The following PTPRT variants were observed in gnomAD, a reference collection of about 807,000 sequenced individuals.
PTPRT encodes protein tyrosine phosphatase receptor type T.
A neutral mutation model predicts 176.8 loss-of-function variants in PTPRT; 56 were observed. The ratio of observed to expected loss-of-function variants is 0.32; its 90% CI spans 0.26 to 0.40. The LOEUF (loss-of-function observed/expected upper bound fraction) is 0.40, where lower values mean the gene tolerates loss of function less well. Among genes scored for constraint, PTPRT ranks in the 10% least tolerant of loss-of-function variants. The probability of loss-of-function intolerance (pLI) is 1.00; values close to 1 mark genes in which losing one functional copy is unlikely to be tolerated. For missense variants in PTPRT, 1,540 were observed against 1,908.2 expected (o/e 0.81, Z 3.60); for synonymous variants, 783 against 739.0 (o/e 1.06, Z -0.96).
chr20:42,864,305 G>A (rs931653175), intron 2 of PTPRT, among the ~76,000 whole-genome samples: 3 of 152,192 alleles, frequency 2.0e-5, no homozygotes, highest in South Asian at 2.1e-4. Context: ...CCCACCTAGT[G>A]TTAAACACAT....
intron 1 of PTPRT, among the ~76,000 whole-genome samples, chr20:43,003,394 G>T (rs1171431019): frequency 6.6e-6 from 1 of 152,002 alleles, no homozygotes; most frequent in African/African-American, 2.4e-5. Context: ...CGGTGGGAGG[G>T]TCTCCGTGTG....
At chr20:42,619,791 T>A (rs2074153175) in intron 7 of PTPRT, among the ~76,000 whole-genome samples, 1 of 130,430 alleles carries the variant, frequency 7.7e-6, no homozygotes, top group South Asian at 2.4e-4. Flanking sequence ...TTCAGCTCCA[T>A]CAGCTCCTTT....
intron 1 of PTPRT, among the ~76,000 whole-genome samples, chr20:43,156,826 G>A (rs6130304): frequency 6.6e-6 from 1 of 152,182 alleles, no homozygotes; most frequent in Admixed American, 6.5e-5. Context: ...CCAGCCACAA[G>A]GGCTTCCCTG....
At chr20:43,051,663 ATAT>A (rs1264647212) in intron 1 of PTPRT, among the ~76,000 whole-genome samples, 1 of 148,904 alleles carries the variant, frequency 6.7e-6, no homozygotes, top group Non-Finnish European at 1.5e-5. Flanking sequence ...ACATTATTCT[ATAT>A]TATTTTATAA....
At chr20:42,641,667 G>A (rs1323859859) in intron 7 of PTPRT, among the ~76,000 whole-genome samples, 1 of 152,106 alleles carries the variant, frequency 6.6e-6, no homozygotes, top group Non-Finnish European at 1.5e-5. Context: ...CAGAGAACTT[G>A]CAAATGGCTT....
intron 9 of PTPRT, among the ~76,000 whole-genome samples, chr20:42,381,311 C>G (rs2035084575): frequency 6.6e-6 from 1 of 152,090 alleles, no homozygotes; most frequent in Non-Finnish European, 1.5e-5. Context: ...AAAACGTGAG[C>G]AGAAGTGACC....
chr20:43,185,248 T>C (rs935669251), intron 1 of PTPRT, among the ~76,000 whole-genome samples: 1 of 152,248 alleles, frequency 6.6e-6, no homozygotes, highest in Admixed American at 6.5e-5. Context: ...AATTTATTTA[T>C]TGGAATGCCA....
intron 1 of PTPRT, among the ~76,000 whole-genome samples, chr20:43,032,992 T>C (rs1986210139): frequency 6.6e-6 from 1 of 152,232 alleles, no homozygotes; most frequent in African/African-American, 2.4e-5. Context: ...TAAACTTGAA[T>C]TAATTTGAAT....
At chr20:42,437,891 A>G (rs1285295510) in intron 9 of PTPRT, among the ~76,000 whole-genome samples, 1 of 152,226 alleles carries the variant, frequency 6.6e-6, no homozygotes, top group Admixed American at 6.5e-5. Flanking sequence ...GCCAGTTAAA[A>G]GCAGCAAATT....
At chr20:42,681,842 C>A (rs143936964) in intron 6 of PTPRT, among the ~76,000 whole-genome samples, 2 of 152,298 alleles carry the variant, frequency 1.3e-5, no homozygotes, top group South Asian at 2.1e-4. Flanking sequence ...CACAATGGAA[C>A]GCTGCTCAGC....
chr20:42,604,498 T>C (rs1452679224), intron 7 of PTPRT, among the ~76,000 whole-genome samples: 2 of 151,514 alleles, frequency 1.3e-5, no homozygotes, highest in African/African-American at 4.9e-5. Flanking sequence ...AATGCCTCAG[T>C]AGCAGATTTA....
intron 7 of PTPRT, among the ~76,000 whole-genome samples, chr20:42,513,517 G>T (rs67718903): frequency 0.097 from 14,808 of 151,892 alleles, 824 homozygotes; most frequent in East Asian, 0.15. Context: ...ATTATTTTGT[G>T]TTCTTATTTT....
intron 26 of PTPRT, among the ~76,000 whole-genome samples, chr20:42,098,987 C>T (rs1314552856): frequency 6.6e-6 from 1 of 152,236 alleles, no homozygotes. Flanking sequence ...AAGGGGCAGG[C>T]TCCCTTCTGC....
At chr20:42,377,961 C>G (rs1489674625) in intron 9 of PTPRT, among the ~76,000 whole-genome samples, 1 of 152,192 alleles carries the variant, frequency 6.6e-6, no homozygotes, top group East Asian at 1.9e-4. Flanking sequence ...ATCATTATAA[C>G]TAATAGTGCA....
intron 1 of PTPRT, among the ~76,000 whole-genome samples, chr20:43,058,300 G>A (rs78417424): frequency 0.011 from 1,746 of 151,992 alleles, 28 homozygotes; most frequent in African/African-American, 0.039. Context: ...GAGAGAGATC[G>A]GGTGAAAGAG....
At chr20:42,864,895 C>G (rs1013097187) in intron 2 of PTPRT, among the ~76,000 whole-genome samples, 5 of 152,298 alleles carry the variant, frequency 3.3e-5, no homozygotes, top group Non-Finnish European at 7.4e-5. Context: ...TTGAAATGGT[C>G]AAAATCAGAT....
At chr20:42,237,150 G>A (rs981028987) in intron 14 of PTPRT, among the ~76,000 whole-genome samples, 8 of 152,094 alleles carry the variant, frequency 5.3e-5, no homozygotes, top group African/African-American at 1.4e-4. Flanking sequence ...TTGACATTGC[G>A]GAACAGAAAT....
At chr20:42,560,798 C>T (rs1321802806) in intron 7 of PTPRT, among the ~76,000 whole-genome samples, 1 of 152,180 alleles carries the variant, frequency 6.6e-6, no homozygotes, top group African/African-American at 2.4e-5. Context: ...ACCCAGGAGG[C>T]TTCAAGCACA....
chr20:42,908,333 C>G (rs771064107), intron 1 of PTPRT, among the ~76,000 whole-genome samples: 28 of 152,206 alleles, frequency 1.8e-4, no homozygotes, highest in Non-Finnish European at 4.0e-4. Flanking sequence ...AGGGAGGGAG[C>G]ATTCTTTAAG....
Sources: gnomAD v4.1 joint callset for allele counts (sites outside exome capture counted in the v4.1 genomes callset) on GRCh38, gnomAD v4.1.1 for gene constraint, MANE v1.5 for transcripts, NCBI Gene and HGNC (gene_info 2026-07-23, HGNC 2026-07-21) for gene names.